The following SYNE2 variants were observed in gnomAD, a reference collection of about 807,000 sequenced individuals.
SYNE2 encodes nesprin-2.
Under a neutral mutation model 856.3 loss-of-function variants are expected in SYNE2, and 431 were observed. That is an observed-to-expected ratio of 0.50 (90% confidence interval 0.47 to 0.55). SYNE2 has a LOEUF of 0.55. SYNE2 is among the 20% of genes least tolerant of loss of function. The pLI is 0.00. For missense variants in SYNE2, 8,129 were observed against 8,023.2 expected (o/e 1.01, Z -0.50); for synonymous variants, 2,923 against 2,872.3 (o/e 1.02, Z -0.56).
At chr14:63,882,689 G>A (rs2094892472) in intron 1 of SYNE2, among the ~76,000 whole-genome samples, 1 of 152,162 alleles carries the variant, frequency 6.6e-6, no homozygotes, top group African/African-American at 2.4e-5. Context: ...GTGTGTGACA[G>A]AGTGGGCCCC....
chr14:63,884,268 C>T (rs988747626), intron 1 of SYNE2, among the ~76,000 whole-genome samples: 4 of 152,104 alleles, frequency 2.6e-5, no homozygotes, highest in African/African-American at 9.7e-5. Flanking sequence ...ACTGGCATGA[C>T]CTGAGTGCTG....
intron 110 of SYNE2, among the ~76,000 whole-genome samples, chr14:64,219,951 G>T (rs573403267): frequency 1.3e-5 from 2 of 152,198 alleles, no homozygotes; most frequent in African/African-American, 4.8e-5. Context: ...TGAGCCCTGC[G>T]CTTTAAGGGT....
At chr14:63,884,750 G>C (rs2140772716) in intron 1 of SYNE2, among the ~76,000 whole-genome samples, 1 of 152,232 alleles carries the variant, frequency 6.6e-6, no homozygotes, top group East Asian at 1.9e-4. Context: ...GATGAAGTAG[G>C]AAGGCCCCAG....
chr14:63,958,259 T>C (rs1209140965), intron 8 of SYNE2, among the ~76,000 whole-genome samples: 1 of 152,214 alleles, frequency 6.6e-6, no homozygotes, highest in African/African-American at 2.4e-5. Flanking sequence ...AGTGTTTACC[T>C]AATGACTTTT....
intron 1 of SYNE2, among the ~76,000 whole-genome samples, chr14:63,818,024 C>CAAAAAAAAAAAAAAAAAAAAAA (rs34186501): frequency 1.5e-5 from 1 of 64,774 alleles, no homozygotes; most frequent in Non-Finnish European, 2.7e-5. Flanking sequence ...GACCCTTTCT[C>CAAAAAAAAAAAAAAAAAAAAAA]AAAAAAAAAA....
Position 63,990,506 on chromosome 14 carries a change from C to A in SYNE2, c.2409C>A (p.Ser803=), listed in dbSNP as rs17101525. 5.8e-3 allele frequency: 9,340 copies of A among 1,613,746 alleles called. 485 individuals carry two copies. The African/African-American group carries it at 0.11, about 19-fold the overall frequency. ...MDIQNISSQE[S]FQHVLTTGLQ... is the part of the protein sequence containing the mutation. Reference sequence around the variant, plus strand: ...TACAAAATATTTCAAGCCAGGAGTCCTTTCAACATGTTCTCACAACTGGGC... The same window carrying A: ...TACAAAATATTTCAAGCCAGGAGTCATTTCAACATGTTCTCACAACTGGGC... The change falls in exon 20 of 116, where the codon TCC becomes TCA. Residue 803 remains serine (S), a synonymous_variant. Coordinates refer to ENST00000555002, the MANE Select transcript of SYNE2 (RefSeq NM_182914.3).
At chr14:63,939,962 A>T (rs1446005694) in intron 2 of SYNE2, among the ~76,000 whole-genome samples, 2 of 152,010 alleles carry the variant, frequency 1.3e-5, no homozygotes, top group African/African-American at 4.8e-5. Context: ...TTCTGGGGTC[A>T]TCTTTACTAA....
Position 64,019,971 on chromosome 14 carries a change from CT to C in SYNE2, c.5050-18del, listed in dbSNP as rs758198874. On this transcript the variant is annotated intron_variant, in intron 34 of 115. Coordinates refer to ENST00000555002, the MANE Select transcript of SYNE2 (RefSeq NM_182914.3). ...AGGTATGAAATAAAAAGACACTATCCTTTAAAATTACATGTTTTAGGAAGAA... is the reference window on the plus strand; with the variant it reads ...AGGTATGAAATAAAAAGACACTATCCTTAAAATTACATGTTTTAGGAAGAA... The C allele has an allele frequency of 1.3e-6, 2 of 1,492,756 alleles. No homozygotes were observed. Among genetic ancestry groups the C allele is most frequent in the South Asian group, 2.3e-5 (2 of 88,568 alleles). The allele number at this position is 1,492,756 out of a possible 1,614,324, so 92.5% of individuals were successfully genotyped here. A position where few individuals can be genotyped will look rare whatever the true frequency, so the allele number is the denominator to read the frequency against.
chr14:63,870,810 G>GT (rs1487383036), intron 1 of SYNE2, among the ~76,000 whole-genome samples: 1 of 151,998 alleles, frequency 6.6e-6, no homozygotes, highest in African/African-American at 2.4e-5. Flanking sequence ...CCTTTAGAAT[G>GT]TATGCACACG....
intron 1 of SYNE2, among the ~76,000 whole-genome samples, chr14:63,874,492 A>G (rs192499526): frequency 1.6e-3 from 251 of 152,320 alleles, no homozygotes; most frequent in African/African-American, 5.8e-3. Context: ...GGGTTCCAGG[A>G]AGGATATCTA....
intron 94 of SYNE2, among the ~76,000 whole-genome samples, chr14:64,173,135 G>A (rs1172501486): frequency 6.6e-6 from 1 of 152,204 alleles, no homozygotes; most frequent in Non-Finnish European, 1.5e-5. Context: ...TTCTGTAGGA[G>A]ACGCAGTGCG....
chr14:64,075,414 G>A (rs1046854959), intron 53 of SYNE2, among the ~76,000 whole-genome samples: 3 of 152,156 alleles, frequency 2.0e-5, no homozygotes, highest in Admixed American at 1.3e-4. Context: ...TACATTCTTT[G>A]TATGGAACTG....
intron 49 of SYNE2, among the ~76,000 whole-genome samples, chr14:64,058,701 G>A (rs1247892852): frequency 1.3e-5 from 2 of 152,076 alleles, no homozygotes; most frequent in East Asian, 1.9e-4. Context: ...GGCTGGTCTC[G>A]AATTCCTGAC....
At chr14:64,211,889 G>C in intron 103 of SYNE2, 72 bp from the exon 104 acceptor site, 1 of 1,609,450 alleles carries the variant, frequency 6.2e-7, no homozygotes, top group South Asian at 1.1e-5. Context: ...TGTGGCCGAA[G>C]GTGGCCTTGC....
At chr14:64,077,571 A>T (rs772978694) in intron 54 of SYNE2, among the ~76,000 whole-genome samples, 2 of 152,172 alleles carry the variant, frequency 1.3e-5, no homozygotes, top group Non-Finnish European at 2.9e-5. Context: ...TCTGTGTTAC[A>T]GTTTCAGCAT....
At position 64,175,107 on chromosome 14, in the gene SYNE2, A is replaced by G. The variant is rs778837065; in HGVS notation, c.17399A>G (p.Glu5800Gly). Residue 5800 changes from glutamate to glycine, a missense_variant, in exon 95 of 116, where the codon GAG becomes GGG. Glu to Gly is a moderately conservative substitution (Grantham distance 98). Coordinates refer to ENST00000555002, the MANE Select transcript of SYNE2 (RefSeq NM_182914.3). Reference protein sequence around the residue: ...SWKDMEPQLAEMIKQFQSTVE... With the variant: ...SWKDMEPQLAGMIKQFQSTVE... Reference sequence around the variant, plus strand: ...AAAGACATGGAGCCCCAGCTGGCAGAGATGATTAAGCAGTTCCAGAGCACT... The same window carrying G: ...AAAGACATGGAGCCCCAGCTGGCAGGGATGATTAAGCAGTTCCAGAGCACT... 1 of 1,613,980 alleles carries G rather than the reference A, an allele frequency of 6.2e-7. No individual in the cohort carries two copies. The highest frequency in any genetic ancestry group is 1.3e-5 in the African/African-American group (1 of 74,932).
intron 1 of SYNE2, among the ~76,000 whole-genome samples, chr14:63,878,253 C>T (rs780721275): frequency 1.3e-5 from 2 of 152,248 alleles, no homozygotes; most frequent in African/African-American, 4.8e-5. Flanking sequence ...GCAACGTGAT[C>T]GTGATCTCCA....
In SYNE2 at chr14:64,141,938, A is replaced by G. The variant is rs777941215; in HGVS notation, c.15160-4A>G. 6.2e-7 allele frequency: 1 copy of G among 1,613,860 alleles called. No homozygotes were observed. Among genetic ancestry groups the G allele is most frequent in the South Asian group, 1.1e-5 (1 of 91,032 alleles). Reference sequence around the variant, plus strand: ...ATTAAATGGAAATCATTTTGTTCTTACAGCTTCAAATGGAGAAATTGCCGT... The same window carrying G: ...ATTAAATGGAAATCATTTTGTTCTTGCAGCTTCAAATGGAGAAATTGCCGT... On this transcript the variant is annotated splice_region_variant and splice_polypyrimidine_tract_variant and intron_variant, in intron 81 of 115. Coordinates refer to ENST00000555002, the MANE Select transcript of SYNE2 (RefSeq NM_182914.3).
chr14:64,215,423 C>A, intron 107 of SYNE2, 69 bp downstream of exon 107: 1 of 1,490,942 alleles, frequency 6.7e-7, no homozygotes, highest in Non-Finnish European at 9.3e-7. Flanking sequence ...CTCAACCTCG[C>A]TCCCATGTCG....
Sources: gnomAD v4.1 joint callset for allele counts (sites outside exome capture counted in the v4.1 genomes callset) on GRCh38, gnomAD v4.1.1 for gene constraint, MANE v1.5 for transcripts, NCBI Gene and HGNC (gene_info 2026-07-23, HGNC 2026-07-21) for gene names.